APBB1IP: variants seen among roughly 807,000 people sequenced by gnomAD.
APBB1IP encodes amyloid beta A4 precursor protein-binding family B member 1-interacting protein.
Under a neutral mutation model 64.9 loss-of-function variants are expected in APBB1IP, and 27 were observed. The ratio of observed to expected loss-of-function variants is 0.42; its 90% CI spans 0.31 to 0.57. APBB1IP has a LOEUF of 0.57. APBB1IP is among the 20% of genes least tolerant of loss of function. APBB1IP has a pLI of 0.20. For synonymous variants in APBB1IP, 392 were observed against 331.0 expected, an observed-to-expected ratio of 1.18 and a Z score of -2.00; for missense variants, 812 against 845.5, an observed-to-expected ratio of 0.96 and a Z score of 0.49.
rs995913639 is a variant in APBB1IP at position 26,537,723 on chromosome 10, C to T, written c.1044+1506C>T. On this transcript the variant is annotated intron_variant, in intron 10 of 14. Transcript: ENST00000376236. ...TGAGGCAAGGTGAATCACTTGAGAC[C>T]AGGAGTTCTAGACCAGCCTGGCCAA... Among the ~76,000 whole-genome samples, 9 of 151,904 alleles carry T rather than the reference C, an allele frequency of 5.9e-5. No homozygotes were observed. In the East Asian group the frequency reaches 1.7e-3, roughly 29 times the overall value.
At chr10:26,524,240 G>A (rs1836441951) in intron 8 of APBB1IP, among the ~76,000 whole-genome samples, 1 of 152,080 alleles carries the variant, frequency 6.6e-6, no homozygotes, top group East Asian at 1.9e-4. Flanking sequence ...CCCCTGGAAG[G>A]TCCTCCTGTG....
chr10:26,473,412 G>A (rs1351391067), intron 2 of APBB1IP, among the ~76,000 whole-genome samples: 1 of 152,204 alleles, frequency 6.6e-6, no homozygotes, highest in African/African-American at 2.4e-5. Flanking sequence ...CCTGTCCTGT[G>A]AACAGCCGTC....
intron 11 of APBB1IP, among the ~76,000 whole-genome samples, chr10:26,550,129 A>G (rs918519812): frequency 2.6e-5 from 4 of 151,722 alleles, no homozygotes; most frequent in African/African-American, 4.8e-5. Context: ...CAGGCATATT[A>G]GAATTCCCTT....
chr10:26,447,052 G>A (rs1835407704), intron 2 of APBB1IP, among the ~76,000 whole-genome samples: 1 of 152,146 alleles, frequency 6.6e-6, no homozygotes, highest in South Asian at 2.1e-4. Context: ...GGATGATCAA[G>A]AGGTGCTTTG....
Position 26,480,429 on chromosome 10 carries a change from A to G in APBB1IP, c.1-11898A>G, listed in dbSNP as rs184430112. On this transcript the variant is annotated intron_variant, in intron 2 of 14. Coordinates refer to ENST00000376236, the MANE Select transcript of APBB1IP (RefSeq NM_019043.4). ...GCTTCAAGGTACATTGGCCTCTGTG[A>G]GGAGGAAAACCAGGAAAGAAAACTG... Among the ~76,000 whole-genome samples, 11 of 152,202 alleles carry G rather than the reference A, an allele frequency of 7.2e-5. No homozygotes were observed. In the East Asian group the frequency reaches 2.1e-3, roughly 29 times the overall value.
intron 2 of APBB1IP, among the ~76,000 whole-genome samples, chr10:26,484,344 C>T (rs1030998459): frequency 3.3e-5 from 5 of 152,098 alleles, no homozygotes; most frequent in African/African-American, 1.2e-4. Context: ...CTTGCTCTGT[C>T]GCCCAGGCTG....
Position 26,501,041 on chromosome 10 carries a change from T to C in APBB1IP, c.383T>C (p.Leu128Ser), listed in dbSNP as rs1305018173. Residue 128 changes from leucine to serine, a missense_variant, in exon 5 of 15, where the codon TTA (leucine) becomes TCA (serine). Physicochemically the swap from Leu to Ser is moderately radical, Grantham distance 145. Coordinates refer to ENST00000376236, the MANE Select transcript of APBB1IP (RefSeq NM_019043.4). ...GGTATCAGCCAATATGAGGATGACTTACCACCTCCACCAGCCGATCCTGTG... is the reference window on the plus strand; with the variant it reads ...GGTATCAGCCAATATGAGGATGACTCACCACCTCCACCAGCCGATCCTGTG... ...ATGISQYEDD[L>S]PPPPADPVLD... is the part of the protein sequence containing the mutation. The C allele has an allele frequency of 4.3e-6, 7 of 1,614,154 alleles. No homozygotes were observed. In the Admixed American group the frequency reaches 1.2e-4, roughly 27 times the overall value.
chr10:26,510,523 A>T (rs532877957), intron 6 of APBB1IP, among the ~76,000 whole-genome samples: 1 of 152,280 alleles, frequency 6.6e-6, no homozygotes, highest in African/African-American at 2.4e-5. Context: ...GCTTGAGGCC[A>T]GGAGTTTGAA....
Position 26,564,823 on chromosome 10 carries a change from A to AAAAAT in APBB1IP, c.1474-2124_1474-2120dup, listed in dbSNP as rs1448285414. On this transcript the variant is annotated intron_variant, in intron 14 of 14. Coordinates refer to ENST00000376236, the MANE Select transcript of APBB1IP (RefSeq NM_019043.4). ...GCCTCAAAAAAATAAAAATAAAAAT[A>AAAAAT]AAAATAAAATAAAATAAAGAAAAGA... 4.6e-5 allele frequency among the ~76,000 whole-genome samples: 7 copies of AAAAAT among 152,040 alleles called. No individual in the cohort carries two copies. The East Asian group carries it at 1.2e-3, about 25-fold the overall frequency.
At chr10:26,473,405 GT>G (rs1835742047) in intron 2 of APBB1IP, among the ~76,000 whole-genome samples, 1 of 152,230 alleles carries the variant, frequency 6.6e-6, no homozygotes, top group African/African-American at 2.4e-5. Context: ...TGGCTGGCCT[GT>G]CCTGTGAACA....
chr10:26,546,191 T>C (rs758590553), intron 11 of APBB1IP, among the ~76,000 whole-genome samples: 1 of 152,226 alleles, frequency 6.6e-6, no homozygotes, highest in Non-Finnish European at 1.5e-5. Flanking sequence ...ATGATATGCC[T>C]ACAAAATCAT....
At chr10:26,543,366 T>A (rs1256234832) in intron 11 of APBB1IP, among the ~76,000 whole-genome samples, 1 of 151,188 alleles carries the variant, frequency 6.6e-6, no homozygotes, top group Non-Finnish European at 1.5e-5. Context: ...CTTGGGGGGC[T>A]TGAGGCAGGA....
chr10:26,510,126 C>T (rs10829013), intron 6 of APBB1IP, among the ~76,000 whole-genome samples: 2 of 151,990 alleles, frequency 1.3e-5, no homozygotes, highest in Non-Finnish European at 2.9e-5. Flanking sequence ...CATGCCACCA[C>T]GCCTGGCTAA....
intron 10 of APBB1IP, among the ~76,000 whole-genome samples, chr10:26,537,496 T>C (rs1836640087): frequency 6.6e-6 from 1 of 152,204 alleles, no homozygotes; most frequent in African/African-American, 2.4e-5. Flanking sequence ...CTCTGCCATC[T>C]CATTCCAGTC....
chr10:26,474,979 A>G (rs1835758970), intron 2 of APBB1IP, among the ~76,000 whole-genome samples: 1 of 152,278 alleles, frequency 6.6e-6, no homozygotes, highest in African/African-American at 2.4e-5. Context: ...CTATGAAGAC[A>G]TAACCCAGTT....
intron 2 of APBB1IP, among the ~76,000 whole-genome samples, chr10:26,464,837 C>T (rs573972714): frequency 6.6e-6 from 1 of 152,330 alleles, no homozygotes; most frequent in East Asian, 1.9e-4. Flanking sequence ...CATTCAGTTA[C>T]CACATTCACA....
chr10:26,561,129 C>T (rs1442302355), intron 13 of APBB1IP, among the ~76,000 whole-genome samples: 7 of 118,016 alleles, frequency 5.9e-5, no homozygotes, highest in South Asian at 5.6e-4. Flanking sequence ...AGTGCAGTGG[C>T]GGGATCTCAG....
chr10:26,476,402 G>A (rs1403797505), intron 2 of APBB1IP, among the ~76,000 whole-genome samples: 2 of 122,398 alleles, frequency 1.6e-5, no homozygotes, highest in Non-Finnish European at 3.1e-5. Flanking sequence ...AGCTCTGATT[G>A]CACCACTGCA....
At chr10:26,502,872 TA>T (rs2132439041) in intron 5 of APBB1IP, among the ~76,000 whole-genome samples, 1 of 152,326 alleles carries the variant, frequency 6.6e-6, no homozygotes, top group East Asian at 1.9e-4. Context: ...GAACCACTGT[TA>T]AAGTCATCAT....
Sources: allele counts gnomAD v4.1 joint callset (sites outside exome capture counted in the v4.1 genomes callset), GRCh38; gene constraint gnomAD v4.1.1; transcripts MANE v1.5; gene names NCBI Gene and HGNC (gene_info 2026-07-23, HGNC 2026-07-21).